Variants in TSSK4 observed in about 807,000 individuals in gnomAD.
TSSK4 encodes the protein testis specific serine kinase 4, also known as testis-specific serine/threonine-protein kinase 4.
TSSK4 carries 22 observed loss-of-function variants against 28.5 expected under a neutral mutation model. The observed-to-expected ratio is 0.77, with a 90% CI of 0.55 to 1.10. The LOEUF (loss-of-function observed/expected upper bound fraction) is 1.10, where lower values mean the gene tolerates loss of function less well. Ranked by LOEUF, TSSK4 falls within the 50% of genes least tolerant of loss-of-function variation. TSSK4 has a pLI of 0.00. For missense variants in TSSK4, 329 were observed against 415.4 expected, an observed-to-expected ratio of 0.79 and a Z score of 1.81; for synonymous variants, 151 against 158.3, an observed-to-expected ratio of 0.95 and a Z score of 0.35.
chr14:24,206,816 C>T (rs906014346), intron 2 of TSSK4, 93 bp downstream of exon 2: 37 of 1,358,976 alleles, frequency 2.7e-5, no homozygotes, highest in Middle Eastern at 3.6e-4. Context: ...CTTTCGAACT[C>T]CCTCCTCAAT....
intron 1 of TSSK4, 121 bp from the exon 2 acceptor site, chr14:24,206,388 T>C: frequency 8.9e-7 from 1 of 1,125,572 alleles, no homozygotes; most frequent in Non-Finnish European, 1.3e-6. Context: ...ACCAGTTCTC[T>C]GGGGTTGAGG....
At position 24,206,076 on chromosome 14, in the gene TSSK4, G is replaced by A; in HGVS notation, c.153G>A (p.Val51=). 2.5e-6 allele frequency: 4 copies of A among 1,614,180 alleles called. No individual in the cohort carries two copies. Among genetic ancestry groups the A allele is most frequent in the Non-Finnish European group, 1.7e-6 (2 of 1,180,034 alleles). The change falls in exon 1 of 4, where the codon GTG becomes GTA. Residue 51 remains valine (V), a synonymous_variant. Coordinates refer to ENST00000339917, the MANE Select transcript of TSSK4 (RefSeq NM_001184739.2). ...TCTACACAAAGCAGAAGGTTATGGT[G>A]GCAGTCAAGATCATCTCAAAGAAGA... ...EAFYTKQKVM[V]AVKIISKKKA...
Position 24,206,608 on chromosome 14 carries a change from G to T in TSSK4, c.325G>T (p.Asp109Tyr), listed in dbSNP as rs1178331944. 1 of 1,614,198 alleles carries T rather than the reference G, an allele frequency of 6.2e-7. No homozygotes were observed. The highest frequency in any genetic ancestry group is 1.7e-5 in the Admixed American group (1 of 60,032). Reference protein sequence around the residue: ...YIILELAQGGDVLEWIQRYGA... With the variant: ...YIILELAQGGYVLEWIQRYGA... ...CATTCTGGAACTGGCTCAGGGTGGT[G>T]ATGTCCTTGAATGGATCCAGCGCTA... The change falls in exon 2 of 4, where the codon GAT becomes TAT. Residue 109 changes from aspartate (D) to tyrosine (Y), a missense_variant. Physicochemically the swap from Asp to Tyr is radical, Grantham distance 160. Transcript: ENST00000339917.
chr14:24,207,400 T>C lies in TSSK4; in HGVS notation c.725T>C (p.Leu242Pro), dbSNP rs2039540123. Reference sequence around the variant, plus strand: ...AGCATGGGCGTCATCCTTTACACTCTAGTGGTCGCCCATCTGCCCTTTGAT... The same window carrying C: ...AGCATGGGCGTCATCCTTTACACTCCAGTGGTCGCCCATCTGCCCTTTGAT... ...TWSMGVILYTLVVAHLPFDDT... is the reference protein window; with the variant it reads ...TWSMGVILYTPVVAHLPFDDT... Residue 242 changes from leucine to proline, a missense_variant, in exon 3 of 4, where the codon CTA becomes CCA. Physicochemically the swap from Leu to Pro is moderately conservative, Grantham distance 98 (BLOSUM62 -3). Coordinates refer to ENST00000339917, the MANE Select transcript of TSSK4 (RefSeq NM_001184739.2). 11 of 1,614,072 alleles carry C rather than the reference T, an allele frequency of 6.8e-6. No homozygotes were observed. Among genetic ancestry groups the C allele is most frequent in the African/African-American group, 1.3e-5 (1 of 74,920 alleles).
At chr14:24,207,592 G>T in intron 3 of TSSK4, 83 bp downstream of exon 3, 1 of 1,475,864 alleles carries the variant, frequency 6.8e-7, no homozygotes. Flanking sequence ...ACCCAACCTA[G>T]GCCTCCCAAC....
chr14:24,207,934 C>G (rs751419971), intron 3 of TSSK4, 30 bp from the exon 4 acceptor site: 1 of 1,613,912 alleles, frequency 6.2e-7, no homozygotes, highest in Non-Finnish European at 8.5e-7. Context: ...GAGAAAAACT[C>G]AGGCAAGACC....
chr14:24,207,487 A>G lies in TSSK4; in HGVS notation c.812A>G (p.His271Arg). 6.2e-7 allele frequency: 1 copy of G among 1,611,778 alleles called. No individual in the cohort carries two copies. Among genetic ancestry groups the G allele is most frequent in the South Asian group, 1.1e-5 (1 of 90,700 alleles). The part of the protein sequence containing the change: ...TQKEVTFPAN[H>R]TISQECKNLI... ...AAGGAGGTCACTTTCCCAGCTAACC[A>G]TACCATCTCCCAGGAGTGCAAGGTA... The change falls in exon 3 of 4, where the codon CAT (histidine) becomes CGT (arginine). Residue 271 changes from histidine to arginine, a missense_variant. Around this residue, in one of 3 missense-constraint regions of TSSK4, gnomAD observed 139 missense variants for 178.1 expected, o/e 0.78. Coordinates refer to ENST00000339917, the MANE Select transcript of TSSK4 (RefSeq NM_001184739.2).
At position 24,207,927 on chromosome 14, in the gene TSSK4, A is replaced by G; in HGVS notation, c.835-37A>G. The G allele has an allele frequency of 1.9e-6, 3 of 1,613,834 alleles. No homozygotes were observed. The South Asian group carries it at 3.3e-5, about 18-fold the overall frequency. ...TCATTGCCTGTGTGGCACAATGGAG[A>G]AAAACTCAGGCAAGACCTCTCTCTC... On this transcript the variant is annotated intron_variant, in intron 3 of 3. Coordinates refer to ENST00000339917, the MANE Select transcript of TSSK4 (RefSeq NM_001184739.2).
chr14:24,207,087 C>A, intron 2 of TSSK4, 29 bp from the exon 3 acceptor site: 1 of 1,601,150 alleles, frequency 6.2e-7, no homozygotes. Context: ...CCCTTCAGCT[C>A]CCAGTCTAAA....
chr14:24,208,234 A>T lies in TSSK4; in HGVS notation c.*88A>T. On this transcript the variant is annotated 3_prime_UTR_variant, in exon 4 of 4. Transcript: ENST00000339917. ...TTTACCAAAAATAAATCTAAGTCTGATTTAGTTTCATCAACTAGGGTCAAA... is the reference window on the plus strand; with the variant it reads ...TTTACCAAAAATAAATCTAAGTCTGTTTTAGTTTCATCAACTAGGGTCAAA... 1 of 1,438,838 alleles carries T rather than the reference A, an allele frequency of 7.0e-7. No individual in the cohort carries two copies. The allele number at this position is 1,438,838 out of a possible 1,614,324, so 89.1% of individuals were successfully genotyped here.
rs1215256798 is a variant in TSSK4 at position 24,207,282 on chromosome 14, C to T, written c.607C>T (p.His203Tyr). 2 of 1,614,000 alleles carry T rather than the reference C, an allele frequency of 1.2e-6. No homozygotes were observed. Among genetic ancestry groups the T allele is most frequent in the Admixed American group, 1.7e-5 (1 of 60,004 alleles). Residue 203 changes from histidine (H) to tyrosine (Y), a missense_variant, in exon 3 of 4, where the codon CAC becomes TAC. His to Tyr is a moderately conservative substitution (Grantham distance 83). Coordinates refer to ENST00000339917, the MANE Select transcript of TSSK4 (RefSeq NM_001184739.2). Reference protein sequence around the residue: ...PSYRQVNCFSHLSQTYCGSFA... With the variant: ...PSYRQVNCFSYLSQTYCGSFA... ...TTACCGCCAAGTGAACTGCTTTTCCCACCTCAGCCAGACTTACTGTGGCAG... is the reference window on the plus strand; with the variant it reads ...TTACCGCCAAGTGAACTGCTTTTCCTACCTCAGCCAGACTTACTGTGGCAG...
In TSSK4 at chr14:24,207,257, T is replaced by C. The variant is rs1000730648; in HGVS notation, c.582T>C (p.Ser194=). 28 of 1,614,072 alleles carry C rather than the reference T, an allele frequency of 1.7e-5. No individual in the cohort carries two copies. Among genetic ancestry groups the C allele is most frequent in the Non-Finnish European group, 2.3e-5 (27 of 1,180,018 alleles). Residue 194 remains serine (S), a synonymous_variant, in exon 3 of 4, where the codon TCT becomes TCC. Coordinates refer to ENST00000339917, the MANE Select transcript of TSSK4 (RefSeq NM_001184739.2). ...PSNQPVGCSP[S]YRQVNCFSHL... is the part of the protein sequence containing the mutation. Reference sequence around the variant, plus strand: ...ACCAGCCTGTGGGTTGTAGCCCTTCTTACCGCCAAGTGAACTGCTTTTCCC... The same window carrying C: ...ACCAGCCTGTGGGTTGTAGCCCTTCCTACCGCCAAGTGAACTGCTTTTCCC...
Position 24,208,144 on chromosome 14 carries a change from T to A in TSSK4, c.1015T>A (p.Ter339ArgextTer18). 3 of 1,598,422 alleles carry A rather than the reference T, an allele frequency of 1.9e-6. No homozygotes were observed. The highest frequency in any genetic ancestry group is 2.6e-6 in the Non-Finnish European group (3 of 1,167,822). The change falls in exon 4 of 4, where the codon TGA (stop) becomes AGA (arginine). Residue 339 changes from the stop codon to arginine, a stop_lost. Coordinates refer to ENST00000339917, the MANE Select transcript of TSSK4 (RefSeq NM_001184739.2). ...GCACCAATCCTTGCAAATTACGACC[T>A]GAAAATGGCTGAGGGAGGGGGCTAA... is the stretch of plus-strand genomic sequence containing the variant. ...KQHQSLQITT[*>R]
At chr14:24,207,878 T>C in intron 3 of TSSK4, 86 bp from the exon 4 acceptor site, 1 of 1,606,106 alleles carries the variant, frequency 6.2e-7, no homozygotes, top group Non-Finnish European at 8.5e-7. Flanking sequence ...TGGGCTATCC[T>C]GCTTCTTTCT....
chr14:24,207,579 G>T (rs2039543643), intron 3 of TSSK4, 70 bp downstream of exon 3: 2 of 1,519,954 alleles, frequency 1.3e-6, no homozygotes, highest in African/African-American at 1.4e-5. Context: ...TCCAACCTAG[G>T]TCACCCAACC....
intron 2 of TSSK4, 192 bp from the exon 3 acceptor site, chr14:24,206,924 C>CT: frequency 1.0e-6 from 1 of 984,574 alleles, no homozygotes; most frequent in African/African-American, 1.6e-5. Flanking sequence ...CAATGGTGAG[C>CT]TCCCGGTGGT....
chr14:24,205,970 A>G lies in TSSK4; in HGVS notation c.47A>G (p.Tyr16Cys), dbSNP rs769561757. The G allele has an allele frequency of 6.2e-7, 1 of 1,614,206 alleles. No homozygotes were observed. The highest frequency in any genetic ancestry group is 1.1e-5 in the South Asian group (1 of 91,078). Residue 16 changes from tyrosine to cysteine, a missense_variant, in exon 1 of 4, where the codon TAC becomes TGC. Physicochemically the swap from Tyr to Cys is radical, Grantham distance 194. Transcript: ENST00000339917. ...VLEAAPTTTAYHSLMDEYGYE... is the reference protein window; with the variant it reads ...VLEAAPTTTACHSLMDEYGYE... ...GAGGCAGCACCAACCACCACAGCCT[A>G]CCATTCCCTCATGGATGAATATGGT...
In TSSK4 at chr14:24,205,721, A is replaced by T. The variant is rs2039504866; in HGVS notation, c.-203A>T. ...AAAGTAACAACAGCCAGTGGAGACA[A>T]AAAGAACTGCTTCTCTTTCTTTCCC... On this transcript the variant is annotated 5_prime_UTR_variant, in exon 1 of 4. Transcript: ENST00000339917. 5.1e-6 allele frequency: 3 copies of T among 584,430 alleles called. No homozygotes were observed. The highest frequency in any genetic ancestry group is 3.7e-5 in the African/African-American group (2 of 53,616). 36.2% of individuals were successfully genotyped at this position (584,430 alleles called of 1,614,324 possible).
At chr14:24,207,755 A>G in intron 3 of TSSK4, 1 of 1,071,092 alleles carries the variant, frequency 9.3e-7, no homozygotes, top group Non-Finnish European at 1.4e-6. Context: ...GCCAGAAGGG[A>G]AATATGGAAA....
Sources: gnomAD v4.1 joint callset for allele counts on GRCh38, gnomAD v4.1.1 for gene constraint, gnomAD v4.1.1 regional missense constraint, MANE v1.5 for transcripts, NCBI Gene and HGNC (gene_info 2026-07-23, HGNC 2026-07-21) for gene names.